NFIA: variants seen among roughly 807,000 people sequenced by gnomAD.
NFIA encodes the protein nuclear factor 1 A-type.
NFIA carries 8 observed loss-of-function variants against 62.8 expected under a neutral mutation model. The ratio of observed to expected loss-of-function variants is 0.13; its 90% CI spans 0.07 to 0.23. The LOEUF is 0.23. NFIA is among the 10% of genes least tolerant of loss of function. The probability of loss-of-function intolerance (pLI) is 1.00; values close to 1 mark genes in which losing one functional copy is unlikely to be tolerated. For synonymous variants in NFIA, 235 were observed against 238.1 expected (o/e 0.99, Z 0.12); for missense variants, 410 against 642.1 (o/e 0.64, Z 3.91).
At chr1:61,394,178 C>G (rs114560617) in intron 7 of NFIA, among the ~76,000 whole-genome samples, 1 of 152,066 alleles carries the variant, frequency 6.6e-6, no homozygotes, top group Non-Finnish European at 1.5e-5. Flanking sequence ...TTCTTACCCC[C>G]CTCTGCCCCA....
At chr1:61,447,628 C>A (rs1336033859) in intron 10 of NFIA, among the ~76,000 whole-genome samples, 1 of 152,118 alleles carries the variant, frequency 6.6e-6, no homozygotes, top group African/African-American at 2.4e-5. Context: ...GTCATTGTCC[C>A]CTTAATCTCC....
At chr1:61,255,331 C>G (rs1465205807) in intron 2 of NFIA, among the ~76,000 whole-genome samples, 1 of 152,164 alleles carries the variant, frequency 6.6e-6, no homozygotes, top group Non-Finnish European at 1.5e-5. Context: ...GCTCAGTGTT[C>G]TAGCTTTTAA....
intron 7 of NFIA, among the ~76,000 whole-genome samples, chr1:61,402,031 T>C (rs1665582375): frequency 7.5e-6 from 1 of 132,818 alleles, no homozygotes; most frequent in South Asian, 2.5e-4. Context: ...TTACTCATTT[T>C]TCTTTTTTTT....
chr1:61,286,760 A>G (rs1557683498), intron 3 of NFIA, among the ~76,000 whole-genome samples: 1 of 152,246 alleles, frequency 6.6e-6, no homozygotes, highest in Non-Finnish European at 1.5e-5. Context: ...ATAAGGCAAT[A>G]TAAGGGATTA....
chr1:61,231,781 A>G (rs924182167), intron 2 of NFIA, among the ~76,000 whole-genome samples: 1 of 152,124 alleles, frequency 6.6e-6, no homozygotes, highest in Admixed American at 6.5e-5. Flanking sequence ...GTGAGCTGTG[A>G]TTGTAACTGA....
intron 2 of NFIA, among the ~76,000 whole-genome samples, chr1:61,234,863 G>A (rs1458875360): frequency 1.3e-5 from 2 of 151,930 alleles, no homozygotes; most frequent in Non-Finnish European, 2.9e-5. Flanking sequence ...TACTTTTTTT[G>A]TTGTTGTTTT....
chr1:61,190,292 A>C lies in NFIA; in HGVS notation c.560-87228A>C, dbSNP rs375515854. Among the ~76,000 whole-genome samples the C allele has an allele frequency of 2.8e-4, 42 of 152,276 alleles. 1 individual carries two copies. The highest frequency in any genetic ancestry group is 9.9e-4 in the African/African-American group (41 of 41,552). On this transcript the variant is annotated intron_variant, in intron 2 of 10. Transcript: ENST00000403491. ...TCTCCATGATGCTTTGCACTAATTA[A>C]TTCTTTCCGCAGCAGCACCATGAGG...
intron 2 of NFIA, among the ~76,000 whole-genome samples, chr1:61,165,608 TA>T (rs2100542409): frequency 6.6e-6 from 1 of 152,350 alleles, no homozygotes; most frequent in East Asian, 1.9e-4. Context: ...ACTGCTGAGT[TA>T]GCTGTTCTTT....
chr1:61,236,885 A>T (rs192560195), intron 2 of NFIA, among the ~76,000 whole-genome samples: 1 of 152,238 alleles, frequency 6.6e-6, no homozygotes. Context: ...TAAGAAGAAA[A>T]CAGAACAACC....
intron 2 of NFIA, among the ~76,000 whole-genome samples, chr1:61,160,710 C>G (rs1649136087): frequency 1.3e-5 from 2 of 152,186 alleles, no homozygotes; most frequent in Admixed American, 1.3e-4. Context: ...CCCACAAACG[C>G]TGACTAATGC....
intron 2 of NFIA, among the ~76,000 whole-genome samples, chr1:61,117,894 G>T (rs374090121): frequency 6.6e-6 from 1 of 151,964 alleles, no homozygotes; most frequent in Non-Finnish European, 1.5e-5. Context: ...ATGGAACATC[G>T]TCTGGCTGGC....
At chr1:61,252,157 T>C (rs965194125) in intron 2 of NFIA, among the ~76,000 whole-genome samples, 2 of 152,210 alleles carry the variant, frequency 1.3e-5, no homozygotes, top group African/African-American at 4.8e-5. Context: ...TATATTTTCT[T>C]TGGATAGACC....
chr1:61,194,663 A>G (rs1400767626), intron 2 of NFIA, among the ~76,000 whole-genome samples: 5 of 152,198 alleles, frequency 3.3e-5, no homozygotes, highest in Non-Finnish European at 5.9e-5. Flanking sequence ...ACTTCACCCT[A>G]TCATTTTGCT....
chr1:61,373,623 C>G (rs923055502), intron 6 of NFIA, among the ~76,000 whole-genome samples: 2 of 152,012 alleles, frequency 1.3e-5, no homozygotes, highest in Non-Finnish European at 2.9e-5. Flanking sequence ...TAAGTAAATA[C>G]TAAAGTTCAC....
chr1:61,423,876 CTT>C (rs1015514542), intron 9 of NFIA, among the ~76,000 whole-genome samples: 2 of 152,038 alleles, frequency 1.3e-5, no homozygotes, highest in African/African-American at 4.8e-5. Context: ...TCCCTGTGTC[CTT>C]TTCCCAGAAG....
At chr1:61,217,867 A>G (rs767919860) in intron 2 of NFIA, among the ~76,000 whole-genome samples, 8 of 152,246 alleles carry the variant, frequency 5.3e-5, no homozygotes, top group Non-Finnish European at 1.0e-4. Flanking sequence ...CAGGCTGCTT[A>G]TTATCCACTA....
chr1:61,109,043 G>A (rs564757067), intron 2 of NFIA, among the ~76,000 whole-genome samples: 4 of 151,738 alleles, frequency 2.6e-5, no homozygotes, highest in South Asian at 2.1e-4. Context: ...AGTCTCTTAC[G>A]TTTTGATTTG....
chr1:61,421,717 C>T (rs370775847), intron 9 of NFIA, among the ~76,000 whole-genome samples: 5 of 152,216 alleles, frequency 3.3e-5, no homozygotes, highest in Non-Finnish European at 7.3e-5. Flanking sequence ...TCCTTCTGGG[C>T]ACCCTGTGGG....
intron 10 of NFIA, among the ~76,000 whole-genome samples, chr1:61,446,204 A>C (rs992572789): frequency 1.3e-5 from 2 of 152,198 alleles, no homozygotes; most frequent in African/African-American, 4.8e-5. Flanking sequence ...CCCGCAGTCC[A>C]GTGCTTAACT....
Sources: allele counts gnomAD v4.1 joint callset (sites outside exome capture counted in the v4.1 genomes callset), GRCh38; gene constraint gnomAD v4.1.1; transcripts MANE v1.5; gene names NCBI Gene and HGNC (gene_info 2026-07-23, HGNC 2026-07-21).